Variants in TTLL11 observed in about 807,000 individuals in gnomAD.
TTLL11 encodes the protein tubulin tyrosine ligase like 11, also known as tubulin polyglutamylase TTLL11.
A neutral mutation model predicts 51.7 loss-of-function variants in TTLL11; 42 were observed. That is an observed-to-expected ratio of 0.81 (90% CI 0.64 to 1.05). TTLL11 has a LOEUF of 1.05. Among genes scored for constraint, TTLL11 ranks in the 50% least tolerant of loss-of-function variants. The pLI, the probability that TTLL11 is intolerant of heterozygous loss-of-function variation, is 0.00. For synonymous variants in TTLL11, 381 were observed against 383.5 expected (o/e 0.99, Z 0.08); for missense variants, 799 against 940.4 (o/e 0.85, Z 1.97).
At chr9:122,047,620 A>C (rs543307241) in intron 1 of TTLL11, among the ~76,000 whole-genome samples, 1 of 152,250 alleles carries the variant, frequency 6.6e-6, no homozygotes, top group South Asian at 2.1e-4. Context: ...AAGTGTTTCA[A>C]GACTAAAGGA....
At chr9:122,050,366 G>C (rs1845126319) in intron 1 of TTLL11, among the ~76,000 whole-genome samples, 1 of 152,170 alleles carries the variant, frequency 6.6e-6, no homozygotes, top group African/African-American at 2.4e-5. Flanking sequence ...GCGTGCACTT[G>C]GGAAACCTTC....
chr9:122,008,971 G>T (rs923379549), intron 3 of TTLL11, among the ~76,000 whole-genome samples: 1 of 152,208 alleles, frequency 6.6e-6, no homozygotes, highest in African/African-American at 2.4e-5. Context: ...TCACTTATCT[G>T]TGGAATCTAA....
At chr9:122,030,643 T>C (rs1444141052) in intron 3 of TTLL11, among the ~76,000 whole-genome samples, 1 of 152,000 alleles carries the variant, frequency 6.6e-6, no homozygotes, top group Non-Finnish European at 1.5e-5. Flanking sequence ...TAATGTGGGC[T>C]GGGCGTGGTG....
At chr9:122,076,563 C>T (rs1458584659) in intron 1 of TTLL11, among the ~76,000 whole-genome samples, 2 of 152,090 alleles carry the variant, frequency 1.3e-5, no homozygotes, top group South Asian at 2.1e-4. Flanking sequence ...ACACCTATAA[C>T]CAAAAGAAAA....
chr9:122,049,508 C>G (rs371056226), intron 1 of TTLL11, among the ~76,000 whole-genome samples: 1 of 152,138 alleles, frequency 6.6e-6, no homozygotes, highest in African/African-American at 2.4e-5. Context: ...TTACTAGTCA[C>G]GCATGAATAA....
chr9:121,983,955 G>A (rs1381568065), intron 4 of TTLL11, among the ~76,000 whole-genome samples: 1 of 152,202 alleles, frequency 6.6e-6, no homozygotes, highest in Non-Finnish European at 1.5e-5. Flanking sequence ...TGGAGAAAGG[G>A]TTTATCTAGG....
At chr9:122,030,096 T>C (rs894391051) in intron 3 of TTLL11, among the ~76,000 whole-genome samples, 2 of 150,510 alleles carry the variant, frequency 1.3e-5, no homozygotes, top group African/African-American at 4.9e-5. Context: ...TTTCTCAGAA[T>C]GTGTGCCCGT....
chr9:121,998,432 A>C (rs1588190273), intron 3 of TTLL11, among the ~76,000 whole-genome samples: 1 of 151,316 alleles, frequency 6.6e-6, no homozygotes, highest in Admixed American at 6.6e-5. Context: ...GATTACAGGC[A>C]CCCGCCACCA....
chr9:121,912,650 C>T (rs977518109), intron 6 of TTLL11, among the ~76,000 whole-genome samples: 2 of 152,072 alleles, frequency 1.3e-5, no homozygotes, highest in Admixed American at 1.3e-4. Flanking sequence ...GATCTGGGAG[C>T]ATCTTGAGAG....
At chr9:121,839,326 AACATTAGGTGATCC>A (rs1837285310) in intron 8 of TTLL11, among the ~76,000 whole-genome samples, 1 of 151,976 alleles carries the variant, frequency 6.6e-6, no homozygotes, top group African/African-American at 2.4e-5. Context: ...CGGCTCATTG[AACATTAGGTGATCC>A]ACTTAGGGTA....
intron 6 of TTLL11, among the ~76,000 whole-genome samples, chr9:121,933,710 C>T (rs1044087747): frequency 6.6e-6 from 1 of 150,380 alleles, no homozygotes; most frequent in African/African-American, 2.5e-5. Flanking sequence ...AAAAAAAGAA[C>T]ATTACATTTT....
chr9:121,889,831 C>T (rs985794225), intron 6 of TTLL11, among the ~76,000 whole-genome samples: 2 of 137,580 alleles, frequency 1.5e-5, no homozygotes, highest in African/African-American at 5.4e-5. Flanking sequence ...AATCAGGAGG[C>T]GGAGGTTGCA....
chr9:121,842,945 C>A (rs1439156369), intron 8 of TTLL11, among the ~76,000 whole-genome samples: 15 of 152,122 alleles, frequency 9.9e-5, no homozygotes, highest in Non-Finnish European at 1.8e-4. Flanking sequence ...TTCTCTGTAA[C>A]CTGGAGTACA....
rs1424579173 is a variant in TTLL11 at position 121,989,171 on chromosome 9, AG to A, written c.1269+23del. On this transcript the variant is annotated intron_variant, in intron 4 of 8. Transcript: ENST00000321582. The surrounding 1 kb of genome is among the most constrained non-coding windows in gnomAD (Gnocchi z 4.2). Reference sequence around the variant, plus strand: ...TGAGGCCGGTCAAGGCTGGAAACGCAGGCTGGGAACTGGCAATGGTTACCTG... The same window carrying A: ...TGAGGCCGGTCAAGGCTGGAAACGCAGCTGGGAACTGGCAATGGTTACCTG... The A allele has an allele frequency of 1.2e-6, 2 of 1,609,994 alleles. No individual in the cohort carries two copies. The highest frequency in any genetic ancestry group is 2.7e-5 in the African/African-American group (2 of 74,840).
intron 1 of TTLL11, among the ~76,000 whole-genome samples, chr9:122,057,017 G>A (rs534610545): frequency 2.0e-5 from 3 of 152,350 alleles, no homozygotes; most frequent in South Asian, 2.1e-4. Context: ...TGCTGAATGG[G>A]TGGATGTGTT....
intron 1 of TTLL11, among the ~76,000 whole-genome samples, chr9:122,047,917 A>G (rs16911337): frequency 0.017 from 2,611 of 152,260 alleles, 56 homozygotes; most frequent in African/African-American, 0.06. Flanking sequence ...CAGGAAAATT[A>G]GAAGCCATAA....
intron 3 of TTLL11, among the ~76,000 whole-genome samples, chr9:121,993,423 A>T (rs1353601275): frequency 6.6e-6 from 1 of 152,196 alleles, no homozygotes; most frequent in Non-Finnish European, 1.5e-5. Flanking sequence ...ATTGTTTCTG[A>T]CTGTGTGACC....
rs547098156 is a variant in TTLL11, at chr9:121,936,146, G to A, written c.1481+37863C>T. On this transcript the variant is annotated intron_variant, in intron 6 of 8. Transcript: ENST00000321582. ...GGAGAGAGGAAGACTCACAATGGTGGAGTGTGAGAAGAGAATGTCGGCCAG... is the reference window on the plus strand; with the variant it reads ...GGAGAGAGGAAGACTCACAATGGTGAAGTGTGAGAAGAGAATGTCGGCCAG... 2.4e-3 allele frequency among the ~76,000 whole-genome samples: 365 copies of A among 152,304 alleles called. 2 individuals carry two copies. The highest frequency in any genetic ancestry group is 8.5e-3 in the African/African-American group (354 of 41,556).
rs546661766 is a variant in TTLL11 at position 121,872,925 on chromosome 9, A to G, written c.1482-2177T>C. ...AATGATTTTGTCATCATCACCTTGA[A>G]CTTAAGACAGTAAATATCAGGTGGT... On this transcript the variant is annotated intron_variant, in intron 6 of 8. Transcript: ENST00000321582. Among the ~76,000 whole-genome samples, 3 of 152,316 alleles carry G rather than the reference A, an allele frequency of 2.0e-5. No homozygotes were observed. In the South Asian group the frequency reaches 6.2e-4, roughly 32 times the overall value.
Sources: allele counts gnomAD v4.1 joint callset (sites outside exome capture counted in the v4.1 genomes callset), GRCh38; gene constraint gnomAD v4.1.1; non-coding constraint Gnocchi (gnomAD v3.1); transcripts MANE v1.5; gene names NCBI Gene and HGNC (gene_info 2026-07-23, HGNC 2026-07-21).